The following LRMDA variants were observed in gnomAD, a reference collection of about 807,000 sequenced individuals.
LRMDA encodes leucine rich melanocyte differentiation associated.
LRMDA carries 18 observed loss-of-function variants against 29.8 expected under a neutral mutation model. The observed-to-expected ratio is 0.60, with a 90% CI of 0.42 to 0.90. LRMDA has a LOEUF of 0.90. Ranked by LOEUF, LRMDA falls within the 40% of genes least tolerant of loss-of-function variation. The probability of loss-of-function intolerance (pLI) is 0.00; values close to 1 mark genes in which losing one functional copy is unlikely to be tolerated. For missense variants in LRMDA, 273 were observed against 273.9 expected (o/e 1.00, Z 0.02); for synonymous variants, 125 against 109.4 (o/e 1.14, Z -0.89).
intron 6 of LRMDA, among the ~76,000 whole-genome samples, chr10:76,398,827 C>G (rs1280175942): frequency 6.6e-6 from 1 of 152,130 alleles, no homozygotes; most frequent in African/African-American, 2.4e-5. Flanking sequence ...TCTTGGGAGG[C>G]CAGGAGTTCC....
At chr10:75,780,711 C>T (rs528733645) in intron 2 of LRMDA, among the ~76,000 whole-genome samples, 3 of 152,302 alleles carry the variant, frequency 2.0e-5, no homozygotes, top group African/African-American at 4.8e-5. Context: ...GGTCTCATTG[C>T]CCCTCACTGG....
At chr10:76,507,463 A>G (rs943511345) in intron 6 of LRMDA, among the ~76,000 whole-genome samples, 7 of 151,680 alleles carry the variant, frequency 4.6e-5, no homozygotes, top group Non-Finnish European at 1.0e-4. Flanking sequence ...ATGTAATCCT[A>G]TTTGTCTCTG....
At chr10:76,377,693 T>C (rs1841538482) in intron 6 of LRMDA, among the ~76,000 whole-genome samples, 1 of 152,208 alleles carries the variant, frequency 6.6e-6, no homozygotes, top group African/African-American at 2.4e-5. Context: ...CTTGTAGATA[T>C]GTGGCACTAT....
intron 2 of LRMDA, among the ~76,000 whole-genome samples, chr10:75,566,713 C>T (rs925060520): frequency 2.0e-5 from 3 of 152,092 alleles, no homozygotes; most frequent in African/African-American, 7.2e-5. Context: ...TTATCAACTC[C>T]AAAATACAGA....
chr10:75,837,459 G>A (rs1844459964), intron 2 of LRMDA, among the ~76,000 whole-genome samples: 1 of 152,078 alleles, frequency 6.6e-6, no homozygotes, highest in African/African-American at 2.4e-5. Context: ...TTTCATTTTA[G>A]TTGTTAAAAA....
chr10:76,179,690 T>G (rs1160489877), intron 5 of LRMDA, among the ~76,000 whole-genome samples: 1 of 152,202 alleles, frequency 6.6e-6, no homozygotes, highest in Non-Finnish European at 1.5e-5. Context: ...ACGGACATAT[T>G]TATATGAAGA....
chr10:75,698,946 A>T (rs1318412900), intron 2 of LRMDA, among the ~76,000 whole-genome samples: 1 of 152,176 alleles, frequency 6.6e-6, no homozygotes, highest in Non-Finnish European at 1.5e-5. Context: ...CATGCCTATA[A>T]TCCCAGCACT....
intron 2 of LRMDA, among the ~76,000 whole-genome samples, chr10:75,734,888 C>T (rs1044621245): frequency 3.3e-5 from 5 of 152,208 alleles, no homozygotes; most frequent in Non-Finnish European, 5.9e-5. Context: ...TAGAGGCCCA[C>T]CCTGGTTGCT....
chr10:75,929,852 A>G (rs1326654582), intron 2 of LRMDA, among the ~76,000 whole-genome samples: 3 of 152,156 alleles, frequency 2.0e-5, no homozygotes, highest in Admixed American at 1.3e-4. Context: ...TCCTTCTTTG[A>G]GAGCTTCCTT....
chr10:75,504,579 G>C (rs1328440015), intron 2 of LRMDA, among the ~76,000 whole-genome samples: 1 of 152,154 alleles, frequency 6.6e-6, no homozygotes, highest in South Asian at 2.1e-4. Context: ...TGTAGTAATA[G>C]GGGGGAGTCA....
chr10:76,447,153 T>G (rs1252253095), intron 6 of LRMDA, among the ~76,000 whole-genome samples: 1 of 152,104 alleles, frequency 6.6e-6, no homozygotes, highest in Non-Finnish European at 1.5e-5. Flanking sequence ...CCATGGAAAC[T>G]CTTGCGTTAA....
intron 5 of LRMDA, among the ~76,000 whole-genome samples, chr10:76,246,233 G>T (rs913996973): frequency 3.3e-5 from 5 of 152,150 alleles, no homozygotes; most frequent in Admixed American, 2.0e-4. Context: ...CTCATTAGGA[G>T]GGGTGAGTTT....
At chr10:76,301,829 G>A (rs74148417) in intron 5 of LRMDA, among the ~76,000 whole-genome samples, 4,820 of 152,258 alleles carry the variant, frequency 0.032, 205 homozygotes, top group African/African-American at 0.095. Flanking sequence ...ATACGATCGC[G>A]CTAGAGATAA....
At chr10:75,919,430 C>T (rs1351236684) in intron 2 of LRMDA, among the ~76,000 whole-genome samples, 1 of 152,140 alleles carries the variant, frequency 6.6e-6, no homozygotes, top group Non-Finnish European at 1.5e-5. Context: ...CAGTGCCATG[C>T]AGGTGCAATT....
At chr10:76,554,693 T>A (rs753036026) in intron 6 of LRMDA, among the ~76,000 whole-genome samples, 5 of 152,060 alleles carry the variant, frequency 3.3e-5, no homozygotes, top group Admixed American at 6.5e-5. Flanking sequence ...ACAGAACACA[T>A]CCCAGCCCAC....
At chr10:75,699,117 C>G (rs1170600983) in intron 2 of LRMDA, among the ~76,000 whole-genome samples, 1 of 151,372 alleles carries the variant, frequency 6.6e-6, no homozygotes, top group Non-Finnish European at 1.5e-5. Context: ...AGGAGAATCA[C>G]TTGAACCTGA....
At chr10:76,226,440 G>C (rs534142280) in intron 5 of LRMDA, among the ~76,000 whole-genome samples, 1 of 152,068 alleles carries the variant, frequency 6.6e-6, no homozygotes, top group Admixed American at 6.6e-5. Context: ...AAAATTAGCC[G>C]GGCATGGTGG....
chr10:76,112,411 T>TTCA (rs1168836598), intron 5 of LRMDA, among the ~76,000 whole-genome samples: 1 of 152,190 alleles, frequency 6.6e-6, no homozygotes, highest in Non-Finnish European at 1.5e-5. Context: ...GCGCCGGCCC[T>TTCA]CGTCACCCTT....
intron 1 of LRMDA, among the ~76,000 whole-genome samples, chr10:75,437,465 A>G (rs1318220893): frequency 6.6e-6 from 1 of 152,142 alleles, no homozygotes; most frequent in African/African-American, 2.4e-5. Flanking sequence ...TATTTTAGGG[A>G]AACAGCATGC....
Sources: allele counts gnomAD v4.1 joint callset (sites outside exome capture counted in the v4.1 genomes callset), GRCh38; gene constraint gnomAD v4.1.1; transcripts MANE v1.5; gene names NCBI Gene and HGNC (gene_info 2026-07-23, HGNC 2026-07-21).